AAK1: variants seen among roughly 807,000 people sequenced by gnomAD.
AAK1 encodes AP2-associated protein kinase 1.
AAK1 carries 37 observed loss-of-function variants against 116.0 expected under a neutral mutation model. That is an observed-to-expected ratio of 0.32 (90% CI 0.25 to 0.42). The LOEUF (loss-of-function observed/expected upper bound fraction) is 0.42, where lower values mean the gene tolerates loss of function less well. Ranked by LOEUF, AAK1 falls within the 10% of genes least tolerant of loss-of-function variation. The pLI is 1.00. For synonymous variants in AAK1, 458 were observed against 439.9 expected, an observed-to-expected ratio of 1.04 and a Z score of -0.51; for missense variants, 919 against 1,170.6, an observed-to-expected ratio of 0.79 and a Z score of 3.14.
At position 69,520,897 on chromosome 2, in the gene AAK1, G is replaced by A; in HGVS notation, c.1147C>T (p.Pro383Ser). The change falls in exon 11 of 22, where the codon CCC becomes TCC. Residue 383 changes from proline to serine, a missense_variant. Physicochemically the swap from Pro to Ser is moderately conservative, Grantham distance 74. Coordinates refer to ENST00000409085, the MANE Select transcript of AAK1 (RefSeq NM_014911.5). ...GQTQPNPGILPIQPALTPRKR... is the reference protein window; with the variant it reads ...GQTQPNPGILSIQPALTPRKR... The stretch of plus-strand genomic sequence containing the variant: ...CGGGGTGTCAGCGCTGGCTGGATGG[G>A]AAGGATTCCTGGGTTCGGCTGAGTC... 6.2e-7 allele frequency: 1 copy of A among 1,608,354 alleles called. No homozygotes were observed. The highest frequency in any genetic ancestry group is 1.3e-5 in the African/African-American group (1 of 74,802).
chr2:69,505,723 C>G (rs1327558834), intron 15 of AAK1, 50 bp from the exon 16 acceptor site: 1 of 1,456,562 alleles, frequency 6.9e-7, no homozygotes, highest in East Asian at 2.3e-5. Flanking sequence ...TCTTGCGAGG[C>G]ACACACACAT....
intron 17 of AAK1, among the ~76,000 whole-genome samples, chr2:69,489,586 G>A (rs960540008): frequency 3.3e-5 from 5 of 152,054 alleles, no homozygotes; most frequent in African/African-American, 1.2e-4. Context: ...AGACATGGAA[G>A]GGCCGAATAC....
At position 69,467,667 on chromosome 2, in the gene AAK1, C is replaced by T. The variant is rs1415512050; in HGVS notation, c.*8202G>A. 1.0e-6 allele frequency: 1 copy of T among 985,250 alleles called. No homozygotes were observed. The highest frequency in any genetic ancestry group is 1.2e-6 in the Non-Finnish European group (1 of 829,922). The allele number at this position is 985,250 out of a possible 1,614,324, so 61.0% of individuals were successfully genotyped here. ...CTCTGTAGAGATGGAACTCAATGATCCCCTTCCCATACTGACCCTCTCCCC... is the reference window on the plus strand; with the variant it reads ...CTCTGTAGAGATGGAACTCAATGATTCCCTTCCCATACTGACCCTCTCCCC... On this transcript the variant is annotated 3_prime_UTR_variant, in exon 22 of 22. Transcript: ENST00000409085.
At position 69,474,190 on chromosome 2, in the gene AAK1, TC is replaced by T. The variant is rs1558889868; in HGVS notation, c.*1678del. ...GGCTGTTGTTGCTGTTAAACTTTTT[TC>T]CCCCATAAAGTGCAAATGTGAGGAA... On this transcript the variant is annotated 3_prime_UTR_variant, in exon 22 of 22. Coordinates refer to ENST00000409085, the MANE Select transcript of AAK1 (RefSeq NM_014911.5). 3.0e-6 allele frequency: 3 copies of T among 985,744 alleles called. No homozygotes were observed. Among genetic ancestry groups the T allele is most frequent in the East Asian group, 2.3e-4 (2 of 8,810 alleles). The allele number at this position is 985,744 out of a possible 1,614,324, so 61.1% of individuals were successfully genotyped here. A position where few individuals can be genotyped will look rare whatever the true frequency, so the allele number is the denominator to read the frequency against.
In AAK1 at chr2:69,495,972, T is replaced by C. The variant is rs984601314; in HGVS notation, c.2365+13A>G. The C allele has an allele frequency of 6.5e-7, 1 of 1,550,052 alleles. No individual in the cohort carries two copies. The highest frequency in any genetic ancestry group is 8.7e-7 in the Non-Finnish European group (1 of 1,145,552). On this transcript the variant is annotated intron_variant, in intron 17 of 21. Coordinates refer to ENST00000409085, the MANE Select transcript of AAK1 (RefSeq NM_014911.5). The stretch of plus-strand genomic sequence containing the variant: ...TCAAGCTGCTTAACCTCAGAACAGT[T>C]CTGTTCACCTACCTGGTGCATCAGG...
At position 69,465,221 on chromosome 2, in the gene AAK1, C is replaced by A; in HGVS notation, c.*10648G>T. On this transcript the variant is annotated 3_prime_UTR_variant, in exon 22 of 22. Transcript: ENST00000409085. The stretch of plus-strand genomic sequence containing the variant: ...AAATCAATATAAACAAACAAACAAA[C>A]AAACAAAAATGAACATAACTTAAAG... 2.7e-6 allele frequency: 1 copy of A among 369,712 alleles called. No individual in the cohort carries two copies. The highest frequency in any genetic ancestry group is 4.6e-6 in the Non-Finnish European group (1 of 216,582). The allele number at this position is 369,712 out of a possible 1,614,324, so 22.9% of individuals were successfully genotyped here.
At chr2:69,528,080 G>A (rs75602154) in intron 8 of AAK1, among the ~76,000 whole-genome samples, 1,611 of 152,310 alleles carry the variant, frequency 0.011, 28 homozygotes, top group African/African-American at 0.037. Flanking sequence ...TTGAAGGCAG[G>A]ACAGAATTTA....
chr2:69,640,525 T>A (rs893889969), intron 2 of AAK1, among the ~76,000 whole-genome samples: 1 of 152,224 alleles, frequency 6.6e-6, no homozygotes, highest in African/African-American at 2.4e-5. Flanking sequence ...CATTGGCAGA[T>A]CCTTAAAGGC....
At chr2:69,576,511 G>C (rs1191337583) in intron 2 of AAK1, among the ~76,000 whole-genome samples, 1 of 151,934 alleles carries the variant, frequency 6.6e-6, no homozygotes, top group East Asian at 1.9e-4. Context: ...CCACCCTCAA[G>C]TATACCCCAG....
intron 2 of AAK1, among the ~76,000 whole-genome samples, chr2:69,617,909 T>A (rs1674415129): frequency 6.6e-6 from 1 of 152,112 alleles, no homozygotes; most frequent in Non-Finnish European, 1.5e-5. Flanking sequence ...GCTGACAGAG[T>A]CATACCTCCT....
intron 2 of AAK1, among the ~76,000 whole-genome samples, chr2:69,621,774 C>T (rs1344000226): frequency 1.3e-5 from 2 of 152,240 alleles, no homozygotes; most frequent in Non-Finnish European, 2.9e-5. Context: ...CTGTGTAACA[C>T]TGCTCAGTGG....
intron 2 of AAK1, among the ~76,000 whole-genome samples, chr2:69,563,742 T>A (rs887804854): frequency 6.6e-6 from 1 of 152,216 alleles, no homozygotes; most frequent in Non-Finnish European, 1.5e-5. Context: ...TGCTGCTTAC[T>A]TAAAGCAGAA....
intron 17 of AAK1, among the ~76,000 whole-genome samples, chr2:69,484,946 A>G (rs1410931347): frequency 2.0e-5 from 3 of 152,080 alleles, no homozygotes; most frequent in African/African-American, 7.2e-5. Context: ...GTTGCAGGAA[A>G]AAAACCCTCA....
At chr2:69,563,807 T>C (rs1671748974) in intron 2 of AAK1, among the ~76,000 whole-genome samples, 1 of 152,230 alleles carries the variant, frequency 6.6e-6, no homozygotes, top group African/African-American at 2.4e-5. Context: ...AGACAGATAA[T>C]TCAGTTAAAG....
At chr2:69,581,182 C>T (rs1434106753) in intron 2 of AAK1, among the ~76,000 whole-genome samples, 9 of 152,224 alleles carry the variant, frequency 5.9e-5, no homozygotes, top group Non-Finnish European at 7.4e-5. Flanking sequence ...GGCACGATCT[C>T]GGCTCACTGC....
intron 12 of AAK1, among the ~76,000 whole-genome samples, chr2:69,515,658 A>G (rs940130551): frequency 6.6e-6 from 1 of 151,962 alleles, no homozygotes; most frequent in African/African-American, 2.4e-5. Flanking sequence ...TCTAATCCCC[A>G]CTGTTAGGGG....
intron 2 of AAK1, among the ~76,000 whole-genome samples, chr2:69,586,464 T>A (rs1672768428): frequency 6.6e-6 from 1 of 152,146 alleles, no homozygotes; most frequent in Admixed American, 6.5e-5. Flanking sequence ...TTCAAAAGGC[T>A]TAAAAACACA....
chr2:69,528,382 A>G (rs1436789717), intron 8 of AAK1, among the ~76,000 whole-genome samples: 1 of 152,178 alleles, frequency 6.6e-6, no homozygotes, highest in African/African-American at 2.4e-5. Context: ...TGCTGGATGG[A>G]TTGAAAAGAG....
intron 2 of AAK1, among the ~76,000 whole-genome samples, chr2:69,620,632 T>C (rs1009431696): frequency 3.9e-5 from 6 of 152,312 alleles, no homozygotes; most frequent in East Asian, 1.9e-4. Flanking sequence ...TCTGGGATAT[T>C]TGACCCTCTT....
Sources: gnomAD v4.1 joint callset for allele counts (sites outside exome capture counted in the v4.1 genomes callset) on GRCh38, gnomAD v4.1.1 for gene constraint, MANE v1.5 for transcripts, NCBI Gene and HGNC (gene_info 2026-07-23, HGNC 2026-07-21) for gene names.